Variants in KANSL3 observed in about 807,000 individuals in gnomAD.
KANSL3 encodes the protein KAT8 regulatory NSL complex subunit 3, also known as NSL complex protein NSL3.
In KANSL3, 16 loss-of-function variants were observed where a neutral mutation model predicts 89.2. The ratio of observed to expected loss-of-function variants is 0.18; its 90% CI spans 0.12 to 0.27. KANSL3 has a LOEUF of 0.27. Ranked by LOEUF, KANSL3 falls within the 10% of genes least tolerant of loss-of-function variation. The pLI, the probability that KANSL3 is intolerant of heterozygous loss-of-function variation, is 1.00. For synonymous variants in KANSL3, 385 were observed against 419.7 expected (o/e 0.92, Z 1.01); for missense variants, 879 against 1,110.6 (o/e 0.79, Z 2.96).
At chr2:96,621,837 T>C (rs1391528419) in intron 3 of KANSL3, among the ~76,000 whole-genome samples, 1 of 152,120 alleles carries the variant, frequency 6.6e-6, no homozygotes, top group African/African-American at 2.4e-5. Flanking sequence ...TTAAACAGGC[T>C]GGGCGTGGTG....
At chr2:96,636,219 T>C (rs964620919) in intron 2 of KANSL3, among the ~76,000 whole-genome samples, 1 of 152,184 alleles carries the variant, frequency 6.6e-6, no homozygotes, top group Non-Finnish European at 1.5e-5. Flanking sequence ...CATGATTTGA[T>C]CACCATAACG....
At position 96,602,143 on chromosome 2, in the gene KANSL3, G is replaced by A. The variant is rs769792998; in HGVS notation, c.2455C>T (p.Leu819=). ...GATGCTTGGTTAGAGATCTGAGCCA[G>A]GCCAGGGAGGCTGCTTGCCAACTTA... is the stretch of plus-strand genomic sequence containing the variant. ...LAKLASSLPG[L]AQISNQASGL... Residue 819 remains leucine, a synonymous_variant, in exon 19 of 21, where the codon CTG becomes TTG. Transcript: ENST00000431828. 1.9e-6 allele frequency: 3 copies of A among 1,589,864 alleles called. No homozygotes were observed. The South Asian group carries it at 3.4e-5, about 18-fold the overall frequency.
rs1342072022 is a variant in KANSL3 at position 96,612,924 on chromosome 2, G to A, written c.806C>T (p.Pro269Leu). The part of the protein sequence containing the change: ...VLSHNKPSKL[P>L]GSPLILIASS... Reference sequence around the variant, plus strand: ...GGCGATGAGAATCAGCGGAGAGCCAGGGAGTTTGCTCTAAAGAGGAAGAAT... The same window carrying A: ...GGCGATGAGAATCAGCGGAGAGCCAAGGAGTTTGCTCTAAAGAGGAAGAAT... Residue 269 changes from proline to leucine, a missense_variant, in exon 7 of 21, where the codon CCT (proline) becomes CTT (leucine). By Grantham distance (98) the Pro-to-Leu change is moderately conservative (BLOSUM62 -3). Transcript: ENST00000431828. 2 of 1,559,720 alleles carry A rather than the reference G, an allele frequency of 1.3e-6. No individual in the cohort carries two copies. Among genetic ancestry groups the A allele is most frequent in the Non-Finnish European group, 8.7e-7 (1 of 1,151,590 alleles).
rs954522218 is a variant in KANSL3, at chr2:96,612,860, G to C, written c.870C>G (p.Arg290=). The change falls in exon 7 of 21, where the codon CGC becomes CGG. Residue 290 remains arginine, a synonymous_variant. Transcript: ENST00000431828. ...GCTGAGATTGCCAGAAGCGGTGGCG[G>C]CGTGAAGTGGGAAACACAGAGCTGG... ...GPSSSVFPTS[R]RHRFWQSQLS... The C allele has an allele frequency of 1.3e-6, 2 of 1,571,368 alleles. No individual in the cohort carries two copies. The highest frequency in any genetic ancestry group is 2.7e-5 in the African/African-American group (2 of 73,962).
chr2:96,637,345 A>C, intron 1 of KANSL3, 160 bp from the exon 2 acceptor site: 1 of 482,908 alleles, frequency 2.1e-6, no homozygotes, highest in Non-Finnish European at 3.7e-6. Context: ...TCCCACACCA[A>C]CACCAAAAAA....
At chr2:96,580,628 A>G in the KANSL3 span, among the ~76,000 whole-genome samples, 26 of 152,234 alleles carry the variant, frequency 1.7e-4, no homozygotes, top group African/African-American at 4.6e-4. Context: ...TTGGTTAAAC[A>G]GGTGTGTGTT....
In KANSL3 at chr2:96,608,984, A is replaced by G. The variant is rs181470100; in HGVS notation, c.1464T>C (p.Ala488=). The G allele has an allele frequency of 7.7e-5, 120 of 1,563,408 alleles. No homozygotes were observed. In the African/African-American group the frequency reaches 1.5e-3, roughly 20 times the overall value. ...CATCGCGGGGCTTCTTCTTCTTCTC[A>G]GCATCCTGATCCCGAGGTTCAGAGC... ...HMGSEPRDQD[A]EKKKKPRDVA... The change falls in exon 13 of 21, where the codon GCT becomes GCC. Residue 488 remains alanine (A), a synonymous_variant. Transcript: ENST00000431828.
In KANSL3 at chr2:96,595,439, G is replaced by A. The variant is rs1053462432; in HGVS notation, c.*172C>T. 3.0e-5 allele frequency: 18 copies of A among 596,134 alleles called. No homozygotes were observed. Among genetic ancestry groups the A allele is most frequent in the Non-Finnish European group, 4.7e-5 (16 of 341,282 alleles). The allele number at this position is 596,134 out of a possible 1,614,324, so 36.9% of individuals were successfully genotyped here. ...CGATGGTGCTTCCCTTGCTGGCACC[G>A]TATCACCTAACCTAATGGTTTCTCT... On this transcript the variant is annotated 3_prime_UTR_variant, in exon 21 of 21. Transcript: ENST00000431828.
At chr2:96,635,485 G>A (rs994459037) in intron 2 of KANSL3, among the ~76,000 whole-genome samples, 5 of 152,208 alleles carry the variant, frequency 3.3e-5, no homozygotes, top group Non-Finnish European at 5.9e-5. Flanking sequence ...GAGTTTTAAT[G>A]TCAGCAAGAA....
In KANSL3 at chr2:96,609,069, T is replaced by A; in HGVS notation, c.1384-5A>T. The A allele has an allele frequency of 6.4e-7, 1 of 1,554,918 alleles. No individual in the cohort carries two copies. Among genetic ancestry groups the A allele is most frequent in the South Asian group, 1.2e-5 (1 of 84,212 alleles). On this transcript the variant is annotated splice_region_variant and splice_polypyrimidine_tract_variant and intron_variant, in intron 12 of 20. Transcript: ENST00000431828. Reference sequence around the variant, plus strand: ...CAGAAAGTCCACAATCTCATCCTAGTGTAGAGAGGAGCCAACCAAGGCCTT... The same window carrying A: ...CAGAAAGTCCACAATCTCATCCTAGAGTAGAGAGGAGCCAACCAAGGCCTT...
At chr2:96,589,749 C>T (rs555841655), downstream of KANSL3, among the ~76,000 whole-genome samples, 3 of 152,214 alleles carry the variant, frequency 2.0e-5, no homozygotes, top group African/African-American at 7.2e-5. Flanking sequence ...CATTTAAGCA[C>T]CCACAGAATA....
rs1392163660 is a variant in KANSL3 at position 96,611,081 on chromosome 2, C to T, written c.1144G>A (p.Val382Met). 1.9e-6 allele frequency: 3 copies of T among 1,613,880 alleles called. No individual in the cohort carries two copies. Among genetic ancestry groups the T allele is most frequent in the Middle Eastern group, 1.6e-4 (1 of 6,084 alleles). The change falls in exon 10 of 21, where the codon GTG (valine) becomes ATG (methionine). Residue 382 changes from valine (V) to methionine (M), a missense_variant. Coordinates refer to ENST00000431828, the MANE Select transcript of KANSL3 (RefSeq NM_001115016.3). The stretch of plus-strand genomic sequence containing the variant: ...ATTCTTACCCCTCTGGGGCCATCCA[C>T]AGTAAGCAGAGGAAACCCAAGGCAG... ...VVCLGFPLLT[V>M]DGPRGDVDDP... is the part of the protein sequence containing the mutation.
intron 20 of KANSL3, among the ~76,000 whole-genome samples, chr2:96,595,839 C>T (rs1455057993): frequency 6.6e-6 from 1 of 152,184 alleles, no homozygotes; most frequent in East Asian, 1.9e-4. Flanking sequence ...CTCAACTTTC[C>T]ACTTTTTAAG....
At chr2:96,582,570 G>A in the KANSL3 span, among the ~76,000 whole-genome samples, 1 of 152,072 alleles carries the variant, frequency 6.6e-6, no homozygotes, top group East Asian at 1.9e-4. Flanking sequence ...TTCATTATGA[G>A]CACTTTCCTT....
At chr2:96,632,680 A>G (rs898999334) in intron 2 of KANSL3, among the ~76,000 whole-genome samples, 3 of 152,144 alleles carry the variant, frequency 2.0e-5, no homozygotes, top group African/African-American at 7.2e-5. Context: ...TAACAAGTTG[A>G]TTGCCTAGAT....
At chr2:96,600,005 C>A (rs1182791770) in intron 20 of KANSL3, among the ~76,000 whole-genome samples, 2 of 152,148 alleles carry the variant, frequency 1.3e-5, no homozygotes, top group African/African-American at 4.8e-5. Flanking sequence ...CAAGAATAAA[C>A]AAGTGTTCAC....
the KANSL3 span, among the ~76,000 whole-genome samples, chr2:96,583,070 G>A: frequency 1.3e-5 from 2 of 152,176 alleles, no homozygotes; most frequent in Admixed American, 1.3e-4. Flanking sequence ...TGGACAGAAT[G>A]GTTACAGCAG....
chr2:96,612,646 C>A (rs1461719255), intron 7 of KANSL3, 83 bp from the exon 8 acceptor site: 1 of 1,261,842 alleles, frequency 7.9e-7, no homozygotes, highest in Non-Finnish European at 1.1e-6. Context: ...AAACCCAAAA[C>A]CTTGGAATTC....
At chr2:96,622,233 G>A (rs1405745023) in intron 3 of KANSL3, among the ~76,000 whole-genome samples, 2 of 152,128 alleles carry the variant, frequency 1.3e-5, no homozygotes, top group Admixed American at 6.5e-5. Flanking sequence ...AGACCAGCTT[G>A]GGCAACAAAG....
Sources: gnomAD v4.1 joint callset for allele counts (sites outside exome capture counted in the v4.1 genomes callset) on GRCh38, gnomAD v4.1.1 for gene constraint, MANE v1.5 for transcripts, NCBI Gene and HGNC (gene_info 2026-07-23, HGNC 2026-07-21) for gene names.